TTC6: variants seen among roughly 807,000 people sequenced by gnomAD.
The protein encoded by TTC6 is tetratricopeptide repeat protein 6.
Under a neutral mutation model 210.4 loss-of-function variants are expected in TTC6, and 172 were observed. The observed-to-expected ratio is 0.82, with a 90% CI of 0.72 to 0.93. The LOEUF is 0.93. Ranked by LOEUF, TTC6 falls within the 40% of genes least tolerant of loss-of-function variation. The probability of loss-of-function intolerance (pLI) is 0.00; values close to 1 mark genes in which losing one functional copy is unlikely to be tolerated. For missense variants in TTC6, 2,414 were observed against 2,318.1 expected, an observed-to-expected ratio of 1.04 and a Z score of -0.85; for synonymous variants, 804 against 819.6, an observed-to-expected ratio of 0.98 and a Z score of 0.32.
rs879493035 is a variant in TTC6 at position 37,598,669 on chromosome 14, C to T, written c.-235+2661C>T. Among the ~76,000 whole-genome samples, 32 of 152,242 alleles carry T rather than the reference C, an allele frequency of 2.1e-4. No homozygotes were observed. Among genetic ancestry groups the T allele is most frequent in the Non-Finnish European group, 4.1e-4 (28 of 68,012 alleles). On this transcript the variant is annotated intron_variant, in intron 1 of 2. Coordinates refer to the TTC6 transcript ENST00000556845. The surrounding 1 kb of genome is among the most constrained non-coding windows in gnomAD (Gnocchi z 4.9). ...AAGGAGAGGCCGCGGCCTCGGGCCT[C>T]GGGCCCCGGGCCCAGACGGCGGCCT... is the stretch of plus-strand genomic sequence containing the variant.
At chr14:37,633,799 C>A (rs1340611624) in intron 1 of TTC6, among the ~76,000 whole-genome samples, 1 of 152,120 alleles carries the variant, frequency 6.6e-6, no homozygotes, top group Non-Finnish European at 1.5e-5. Flanking sequence ...CCTATTCTTT[C>A]CAACTAGGAT....
chr14:37,782,429 A>G (rs553793278), intron 14 of TTC6, among the ~76,000 whole-genome samples: 13 of 152,026 alleles, frequency 8.6e-5, no homozygotes, highest in African/African-American at 2.7e-4. Flanking sequence ...CTCTCTGTTT[A>G]TCTGTTATTG....
intron 14 of TTC6, among the ~76,000 whole-genome samples, chr14:37,763,168 G>A (rs1474308357): frequency 2.6e-5 from 4 of 151,920 alleles, no homozygotes; most frequent in South Asian, 4.1e-4. Flanking sequence ...GATTACAGAC[G>A]TGAGCCACTG....
At chr14:37,783,981 C>A (rs1366547487) in intron 14 of TTC6, among the ~76,000 whole-genome samples, 1 of 152,182 alleles carries the variant, frequency 6.6e-6, no homozygotes, top group Non-Finnish European at 1.5e-5. Context: ...TTTGATTGCA[C>A]TGTGGTCTGA....
chr14:37,726,282 A>G lies in TTC6; in HGVS notation c.1818+1280A>G, dbSNP rs72674289. 1.4e-3 allele frequency among the ~76,000 whole-genome samples: 215 copies of G among 152,326 alleles called. 1 individual carries two copies. The highest frequency in any genetic ancestry group is 2.4e-3 in the Non-Finnish European group (163 of 68,020). On this transcript the variant is annotated intron_variant, in intron 7 of 30. Coordinates refer to ENST00000553443, the Ensembl canonical transcript of TTC6. ...ACATGAGTAATAGCATAATAAAGCC[A>G]GAGGTAAGATTAATATGAAGAAATT...
intron 14 of TTC6, among the ~76,000 whole-genome samples, chr14:37,770,104 T>A (rs1024519081): frequency 3.8e-4 from 58 of 152,224 alleles, no homozygotes; most frequent in Non-Finnish European, 2.9e-4. Flanking sequence ...TCCATGTAGT[T>A]GAGCGGTTTT....
At chr14:37,670,342 G>C (rs531030187) in intron 1 of TTC6, among the ~76,000 whole-genome samples, 1 of 152,038 alleles carries the variant, frequency 6.6e-6, no homozygotes. Flanking sequence ...GAAATGTTAC[G>C]TGATTAAATA....
intron 2 of TTC6, among the ~76,000 whole-genome samples, chr14:37,615,876 GA>G (rs1248888877): frequency 1.3e-5 from 2 of 152,178 alleles, no homozygotes; most frequent in Non-Finnish European, 2.9e-5. Flanking sequence ...TTCTGGACTG[GA>G]ATCTGTTTAT....
chr14:37,838,678 G>C (rs1014243903), intron 29 of TTC6, among the ~76,000 whole-genome samples: 3 of 150,042 alleles, frequency 2.0e-5, no homozygotes, highest in African/African-American at 4.9e-5. Flanking sequence ...TTTTTTTCTT[G>C]TTTACTTTTT....
intron 14 of TTC6, among the ~76,000 whole-genome samples, chr14:37,763,310 CAG>C (rs1425846350): frequency 2.6e-5 from 4 of 152,114 alleles, no homozygotes; most frequent in African/African-American, 7.2e-5. Context: ...GCTTTAATAA[CAG>C]GGTAATGCTG....
At chr14:37,826,736 T>G (rs1441826802) in intron 28 of TTC6, among the ~76,000 whole-genome samples, 1 of 152,126 alleles carries the variant, frequency 6.6e-6, no homozygotes, top group Non-Finnish European at 1.5e-5. Flanking sequence ...AATCTCATGT[T>G]GAATGCAGTG....
At chr14:37,757,971 T>C (rs1186127637) in intron 14 of TTC6, among the ~76,000 whole-genome samples, 1 of 152,232 alleles carries the variant, frequency 6.6e-6, no homozygotes. Flanking sequence ...TTGTTCAGTT[T>C]CCATGTAATT....
intron 5 of TTC6, among the ~76,000 whole-genome samples, chr14:37,703,810 T>C (rs949303614): frequency 6.6e-6 from 1 of 152,182 alleles, no homozygotes; most frequent in Non-Finnish European, 1.5e-5. Context: ...ATTGGCCTTA[T>C]TTTTGCTTTA....
intron 5 of TTC6, among the ~76,000 whole-genome samples, chr14:37,710,372 A>G (rs1451819680): frequency 6.6e-6 from 1 of 152,152 alleles, no homozygotes; most frequent in East Asian, 1.9e-4. Flanking sequence ...CAGAGTACTC[A>G]CAGCTTAGAA....
At chr14:37,737,821 C>G in intron 9 of TTC6, 87 bp downstream of exon 11, 1 of 653,662 alleles carries the variant, frequency 1.5e-6, no homozygotes, top group Non-Finnish European at 2.5e-6. Flanking sequence ...TTAAAAGCAT[C>G]TACTTCTATA....
intron 6 of TTC6, among the ~76,000 whole-genome samples, chr14:37,715,570 G>T (rs2095851294): frequency 6.6e-6 from 1 of 151,994 alleles, no homozygotes; most frequent in South Asian, 2.1e-4. Flanking sequence ...ACACAGAGGG[G>T]CATTATATTA....
At chr14:37,833,862 T>C (rs1207276097) in intron 29 of TTC6, among the ~76,000 whole-genome samples, 1 of 152,206 alleles carries the variant, frequency 6.6e-6, no homozygotes, top group Non-Finnish European at 1.5e-5. Context: ...AAGCAGTTCA[T>C]GTAGGACTGG....
At chr14:37,677,265 T>G (rs1388252732) in intron 1 of TTC6, among the ~76,000 whole-genome samples, 1 of 152,072 alleles carries the variant, frequency 6.6e-6, no homozygotes, top group African/African-American at 2.4e-5. Flanking sequence ...GTCTTGTGGT[T>G]TTTTGGTTAA....
intron 24 of TTC6, among the ~76,000 whole-genome samples, chr14:37,811,197 G>A (rs547908881): frequency 6.6e-6 from 1 of 152,268 alleles, no homozygotes; most frequent in African/African-American, 2.4e-5. Flanking sequence ...CAGCTGCTTA[G>A]TGGATCTCGA....
Sources: allele counts gnomAD v4.1 joint callset (sites outside exome capture counted in the v4.1 genomes callset), GRCh38; gene constraint gnomAD v4.1.1; non-coding constraint Gnocchi (gnomAD v3.1); transcripts MANE v1.5; gene names NCBI Gene and HGNC (gene_info 2026-07-23, HGNC 2026-07-21).